SLC4A4: variants seen among roughly 807,000 people sequenced by gnomAD.
SLC4A4 encodes solute carrier family 4 member 4.
Under a neutral mutation model 111.5 loss-of-function variants are expected in SLC4A4, and 27 were observed. The ratio of observed to expected loss-of-function variants is 0.24; its 90% CI spans 0.18 to 0.33. SLC4A4 has a LOEUF of 0.33. SLC4A4 is among the 10% of genes least tolerant of loss of function. The pLI is 1.00. For missense variants in SLC4A4, 909 were observed against 1,315.5 expected, an observed-to-expected ratio of 0.69 and a Z score of 4.78; for synonymous variants, 443 against 463.4, an observed-to-expected ratio of 0.96 and a Z score of 0.57.
intron 6 of SLC4A4, among the ~76,000 whole-genome samples, chr4:71,366,290 A>T (rs551327182): frequency 8.1e-5 from 12 of 148,262 alleles, no homozygotes; most frequent in East Asian, 4.1e-4. Flanking sequence ...GGATTGTTTT[A>T]AAAAAAGCAT....
At chr4:71,566,108 C>T (rs910795224) in intron 24 of SLC4A4, among the ~76,000 whole-genome samples, 72 of 151,982 alleles carry the variant, frequency 4.7e-4, no homozygotes, top group African/African-American at 1.7e-3. Context: ...GGCTACCAGC[C>T]TGGATTTGAA....
rs1197144842 is a variant in SLC4A4 at position 71,288,893 on chromosome 4, C to CT, written c.253+33502dup. On this transcript the variant is annotated intron_variant, in intron 3 of 25. Transcript: ENST00000264485. ...AAATCAATCCTAATTCTAATTTTTT[C>CT]TTTTTTTTGTATGATTGGAATCAAA... 7.9e-5 allele frequency among the ~76,000 whole-genome samples: 12 copies of CT among 152,014 alleles called. 1 individual carries two copies. In the South Asian group the frequency reaches 8.3e-4, roughly 11 times the overall value.
intron 7 of SLC4A4, among the ~76,000 whole-genome samples, chr4:71,403,169 C>T (rs1289673271): frequency 6.6e-6 from 1 of 152,120 alleles, no homozygotes; most frequent in Admixed American, 6.6e-5. Context: ...GTAAACTGAA[C>T]TCTATCTCGT....
chr4:71,352,672 G>C lies in SLC4A4; in HGVS notation c.550+2600G>C, dbSNP rs578039254. Among the ~76,000 whole-genome samples, 11 of 152,232 alleles carry C rather than the reference G, an allele frequency of 7.2e-5. No individual in the cohort carries two copies. In the South Asian group the frequency reaches 1.7e-3, roughly 23 times the overall value. On this transcript the variant is annotated intron_variant, in intron 5 of 25. Transcript: ENST00000264485. ...AAGAAGATGAAGGTGGACCTTTCAG[G>C]GTTGTTATGAGCATTAAATAAGATC...
chr4:71,556,639 C>T (rs369716902), intron 21 of SLC4A4, among the ~76,000 whole-genome samples: 60 of 151,864 alleles, frequency 4.0e-4, no homozygotes, highest in African/African-American at 1.4e-3. Flanking sequence ...CTTTCTTTCT[C>T]GATTCTCCCT....
At chr4:71,204,637 A>G (rs1717634638) in intron 1 of SLC4A4, among the ~76,000 whole-genome samples, 1 of 152,206 alleles carries the variant, frequency 6.6e-6, no homozygotes, top group Non-Finnish European at 1.5e-5. Flanking sequence ...TAAATACAGC[A>G]TGCAGAAAAC....
In SLC4A4 at chr4:71,312,796, A is replaced by T. The variant is rs190431289; in HGVS notation, c.254-26574A>T. Among the ~76,000 whole-genome samples the T allele has an allele frequency of 2.6e-5, 4 of 152,324 alleles. No individual in the cohort carries two copies. The East Asian group carries it at 7.7e-4, about 29-fold the overall frequency. ...TTCAAAATAATGAGAGCTATTTATG[A>T]TAAACCCATAGCCAGTATCATACTG... On this transcript the variant is annotated intron_variant, in intron 3 of 25. Transcript: ENST00000264485.
intron 7 of SLC4A4, among the ~76,000 whole-genome samples, chr4:71,410,711 G>A (rs576135093): frequency 4.6e-5 from 7 of 152,238 alleles, no homozygotes; most frequent in African/African-American, 1.7e-4. Flanking sequence ...TCAAGAGAGA[G>A]GCAGTTGTAA....
chr4:71,466,627 C>T (rs908920445), intron 13 of SLC4A4, 50 bp downstream of exon 13: 18 of 1,545,656 alleles, frequency 1.2e-5, no homozygotes, highest in Middle Eastern at 3.4e-4. Flanking sequence ...AATTGTAGAA[C>T]CTTTATAGGC....
intron 2 of SLC4A4, among the ~76,000 whole-genome samples, chr4:71,152,167 CT>C (rs765593281): frequency 3.0e-4 from 46 of 152,260 alleles, no homozygotes; most frequent in Admixed American, 1.1e-3. Context: ...AAGACTACTC[CT>C]ACATTACATG....
chr4:71,301,499 C>T (rs951299388), intron 3 of SLC4A4, among the ~76,000 whole-genome samples: 2 of 152,066 alleles, frequency 1.3e-5, no homozygotes, highest in African/African-American at 4.8e-5. Context: ...AGGATAAAGG[C>T]GGCATGAAAG....
chr4:71,461,152 C>T (rs540787769), intron 12 of SLC4A4, among the ~76,000 whole-genome samples: 3 of 152,028 alleles, frequency 2.0e-5, no homozygotes, highest in African/African-American at 7.2e-5. Flanking sequence ...TTATGAACAC[C>T]ACCAAAAAGA....
intron 2 of SLC4A4, among the ~76,000 whole-genome samples, chr4:71,156,510 T>C (rs1578533141): frequency 6.6e-6 from 1 of 151,484 alleles, no homozygotes; most frequent in East Asian, 2.0e-4. Context: ...CTTATTGGTA[T>C]AAAGACGGTA....
Position 71,255,230 on chromosome 4 carries a change from C to T in SLC4A4, c.84C>T (p.Thr28=). The T allele has an allele frequency of 6.2e-7, 1 of 1,613,200 alleles. No homozygotes were observed. The highest frequency in any genetic ancestry group is 1.1e-5 in the South Asian group (1 of 91,044). Residue 28 remains threonine, a synonymous_variant, in exon 3 of 26, where the codon ACC becomes ACT. Transcript: ENST00000264485. ...CDEEEVEGHH[T]IYIGVHVPKS... ...GTGTACCTTCCTTAGGCCACCATAC[C>T]ATTTACATCGGAGTCCATGTGCCGA... is the stretch of plus-strand genomic sequence containing the variant.
intron 1 of SLC4A4, among the ~76,000 whole-genome samples, chr4:71,220,585 A>G (rs1718683092): frequency 6.6e-6 from 1 of 152,218 alleles, no homozygotes; most frequent in Admixed American, 6.5e-5. Flanking sequence ...TTGTCTCAAA[A>G]TAGTTTTTTA....
Position 71,357,053 on chromosome 4 carries a change from A to T in SLC4A4, c.596A>T (p.Glu199Val), listed in dbSNP as rs1316897458. Residue 199 changes from glutamate (E) to valine (V), a missense_variant, in exon 6 of 26, where the codon GAA (glutamate) becomes GTA (valine). Transcript: ENST00000264485. ...ATTGAGACAGGCCTATTGAAACCTG[A>T]ACTTAAGGATAAGGTGACCTATACT... Reference protein sequence around the residue: ...HQIETGLLKPELKDKVTYTLL... With the variant: ...HQIETGLLKPVLKDKVTYTLL... The T allele has an allele frequency of 6.2e-7, 1 of 1,614,146 alleles. No individual in the cohort carries two copies.
At chr4:71,134,334 C>T (rs1300127688) in intron 2 of SLC4A4, among the ~76,000 whole-genome samples, 1 of 152,196 alleles carries the variant, frequency 6.6e-6, no homozygotes, top group Non-Finnish European at 1.5e-5. Flanking sequence ...CAGAAACTCT[C>T]CTACTGGTCT....
intron 2 of SLC4A4, 60 bp from the exon 3 acceptor site, chr4:71,255,155 TGTGCA>T: frequency 7.4e-7 from 1 of 1,359,330 alleles, no homozygotes; most frequent in Non-Finnish European, 1.1e-6. Flanking sequence ...CTGTGTATCT[TGTGCA>T]ATTTGTCTGC....
intron 1 of SLC4A4, among the ~76,000 whole-genome samples, chr4:71,223,976 G>T (rs1027350056): frequency 6.6e-6 from 1 of 151,992 alleles, no homozygotes; most frequent in Non-Finnish European, 1.5e-5. Flanking sequence ...CCACTTAGGA[G>T]CCCAGGTCCT....
Sources: allele counts gnomAD v4.1 joint callset (sites outside exome capture counted in the v4.1 genomes callset), GRCh38; gene constraint gnomAD v4.1.1; transcripts MANE v1.5; gene names NCBI Gene and HGNC (gene_info 2026-07-23, HGNC 2026-07-21).